Variants in TBC1D1 observed in about 807,000 individuals in gnomAD.
TBC1D1 encodes the protein TBC1 (tre-2/USP6, BUB2, cdc16) domain family, member 1.
Under a neutral mutation model 125.6 loss-of-function variants are expected in TBC1D1, and 89 were observed. That is an observed-to-expected ratio of 0.71 (90% CI 0.60 to 0.85). The LOEUF (loss-of-function observed/expected upper bound fraction) is 0.85, where lower values mean the gene tolerates loss of function less well. TBC1D1 is among the 40% of genes least tolerant of loss of function. The pLI is 0.00. For missense variants in TBC1D1, 1,377 were observed against 1,469.2 expected (o/e 0.94, Z 1.03); for synonymous variants, 565 against 564.1 (o/e 1.00, Z -0.02).
chr4:37,931,613 G>T (rs1170632480), intron 2 of TBC1D1, among the ~76,000 whole-genome samples: 1 of 151,290 alleles, frequency 6.6e-6, no homozygotes, highest in African/African-American at 2.4e-5. Context: ...GAGTAGCTGG[G>T]ATTACAGGCA....
chr4:38,103,636 C>T (rs2152559658), intron 15 of TBC1D1, among the ~76,000 whole-genome samples: 1 of 152,170 alleles, frequency 6.6e-6, no homozygotes, highest in South Asian at 2.1e-4. Context: ...TGGGTGGCAC[C>T]TTGTCTCTTG....
intron 2 of TBC1D1, among the ~76,000 whole-genome samples, chr4:37,960,119 G>A (rs563357382): frequency 1.3e-5 from 2 of 152,232 alleles, no homozygotes; most frequent in East Asian, 3.9e-4. Flanking sequence ...TTACCTAAGT[G>A]GTTTTTGACC....
At chr4:38,062,607 C>A (rs1752964602) in intron 12 of TBC1D1, among the ~76,000 whole-genome samples, 1 of 151,352 alleles carries the variant, frequency 6.6e-6, no homozygotes, top group African/African-American at 2.4e-5. Context: ...CCCCATCCGC[C>A]CCCTACCCCA....
intron 2 of TBC1D1, among the ~76,000 whole-genome samples, chr4:37,993,676 G>T (rs915499820): frequency 2.0e-5 from 3 of 152,166 alleles, no homozygotes; most frequent in African/African-American, 7.2e-5. Flanking sequence ...CCGCCTCCCG[G>T]GTTCAAGCAA....
chr4:38,074,288 G>A (rs1457952151), intron 12 of TBC1D1, among the ~76,000 whole-genome samples: 1 of 152,186 alleles, frequency 6.6e-6, no homozygotes, highest in African/African-American at 2.4e-5. Context: ...CAAAGACTGG[G>A]AATCATTGTA....
chr4:38,073,887 A>C (rs1484789863), intron 12 of TBC1D1, among the ~76,000 whole-genome samples: 2 of 152,206 alleles, frequency 1.3e-5, no homozygotes, highest in Non-Finnish European at 2.9e-5. Context: ...GCCATTCTTG[A>C]AATCCACCTT....
At chr4:38,068,057 C>T (rs1208794073) in intron 12 of TBC1D1, among the ~76,000 whole-genome samples, 7 of 152,182 alleles carry the variant, frequency 4.6e-5, no homozygotes, top group Non-Finnish European at 1.5e-5. Flanking sequence ...GTGACACCCT[C>T]GAGCTTGGCT....
chr4:38,034,688 T>C (rs1746862427), intron 7 of TBC1D1, among the ~76,000 whole-genome samples: 1 of 152,198 alleles, frequency 6.6e-6, no homozygotes, highest in Non-Finnish European at 1.5e-5. Context: ...TCTGGAAATT[T>C]GGAGTAGGGA....
intron 6 of TBC1D1, among the ~76,000 whole-genome samples, chr4:38,026,699 T>C (rs1014413344): frequency 7.9e-5 from 12 of 152,316 alleles, no homozygotes; most frequent in African/African-American, 2.4e-4. Context: ...CGTCTCATCA[T>C]GTGTGACATT....
intron 2 of TBC1D1, chr4:37,960,790 C>A (rs770456336): frequency 2.5e-6 from 4 of 1,614,030 alleles, no homozygotes; most frequent in Admixed American, 3.3e-5. Context: ...AAATTCTTTC[C>A]CTTCAATCTT....
intron 2 of TBC1D1, among the ~76,000 whole-genome samples, chr4:37,919,086 T>TAAA (rs58659751): frequency 4.2e-5 from 6 of 143,730 alleles, no homozygotes; most frequent in East Asian, 2.0e-4. Context: ...CCCCCATCTT[T>TAAA]AAAAAAAAAA....
At chr4:37,906,060 A>G (rs1023670237) in intron 2 of TBC1D1, among the ~76,000 whole-genome samples, 1 of 152,200 alleles carries the variant, frequency 6.6e-6, no homozygotes, top group Non-Finnish European at 1.5e-5. Flanking sequence ...CAATGAGGGC[A>G]TGAACAAGAT....
chr4:38,084,494 G>A (rs1451861990), intron 12 of TBC1D1, among the ~76,000 whole-genome samples: 1 of 152,204 alleles, frequency 6.6e-6, no homozygotes, highest in African/African-American at 2.4e-5. Context: ...TTGTAGTAGA[G>A]GTAAAGCTGC....
intron 11 of TBC1D1, among the ~76,000 whole-genome samples, chr4:38,052,715 C>CGCGCGCGT (rs1553926611): frequency 1.9e-5 from 1 of 51,396 alleles, no homozygotes; most frequent in African/African-American, 9.6e-5. Context: ...CACACACACG[C>CGCGCGCGT]GCGCGCGCGC....
intron 2 of TBC1D1, among the ~76,000 whole-genome samples, chr4:37,913,018 A>G (rs1405608645): frequency 2.0e-5 from 3 of 152,220 alleles, no homozygotes; most frequent in African/African-American, 7.2e-5. Flanking sequence ...GAGGGAAACT[A>G]GTTAGGAGGC....
intron 17 of TBC1D1, chr4:38,118,483 A>G (rs375872930): frequency 2.2e-4 from 67 of 311,156 alleles, no homozygotes; most frequent in African/African-American, 1.4e-3. Context: ...CATTTGGAGG[A>G]CTTGGCTGAG....
chr4:38,031,851 A>G (rs1466379239), intron 7 of TBC1D1, among the ~76,000 whole-genome samples: 2 of 152,228 alleles, frequency 1.3e-5, no homozygotes, highest in Non-Finnish European at 2.9e-5. Flanking sequence ...AGGTTAAGAA[A>G]CATGTAACTA....
chr4:38,016,986 A>C (rs1224687368), intron 3 of TBC1D1, among the ~76,000 whole-genome samples: 1 of 152,188 alleles, frequency 6.6e-6, no homozygotes, highest in African/African-American at 2.4e-5. Flanking sequence ...GGTTGTGGTA[A>C]GTGCAGTGGG....
intron 15 of TBC1D1, among the ~76,000 whole-genome samples, chr4:38,111,069 G>A (rs1356808814): frequency 6.6e-6 from 1 of 152,258 alleles, no homozygotes; most frequent in African/African-American, 2.4e-5. Flanking sequence ...GCCAACTGCT[G>A]CAGGTGCGCA....
Sources: allele counts gnomAD v4.1 joint callset (sites outside exome capture counted in the v4.1 genomes callset), GRCh38; gene constraint gnomAD v4.1.1; transcripts MANE v1.5; gene names NCBI Gene and HGNC (gene_info 2026-07-23, HGNC 2026-07-21).